TRDN: variants seen among roughly 807,000 people sequenced by gnomAD.
TRDN encodes triadin, also known as triadin in skeletal muscle.
TRDN carries 161 observed loss-of-function variants against 149.7 expected under a neutral mutation model. That is an observed-to-expected ratio of 1.08 (90% CI 0.95 to 1.23). The LOEUF is 1.23. Ranked by LOEUF, TRDN falls within the 50% of genes most tolerant of loss-of-function variation. The pLI is 0.00. For missense variants in TRDN, 896 were observed against 823.5 expected (o/e 1.09, Z -1.08); for synonymous variants, 294 against 250.5 (o/e 1.17, Z -1.64).
chr6:123,517,203 G>C (rs1270189023), intron 5 of TRDN, among the ~76,000 whole-genome samples: 1 of 152,108 alleles, frequency 6.6e-6, no homozygotes, highest in Admixed American at 6.6e-5. Context: ...TTTGTTAGGG[G>C]AAGAGCCCTT....
At chr6:123,330,460 TG>T in intron 23 of TRDN, among the ~76,000 whole-genome samples, 1 of 152,134 alleles carries the variant, frequency 6.6e-6, no homozygotes, top group Middle Eastern at 3.4e-3. Flanking sequence ...ATAACATATA[TG>T]AATCCTCTTG....
intron 1 of TRDN, among the ~76,000 whole-genome samples, chr6:123,631,262 A>T (rs774583945): frequency 2.0e-5 from 3 of 151,996 alleles, no homozygotes; most frequent in African/African-American, 7.2e-5. Flanking sequence ...CAAAAGCTTC[A>T]TACTTAATAC....
chr6:123,385,366 C>T (rs1357724305), intron 14 of TRDN, among the ~76,000 whole-genome samples: 2 of 149,360 alleles, frequency 1.3e-5, no homozygotes, highest in African/African-American at 5.0e-5. Flanking sequence ...AGGTGGAGCT[C>T]GCAGTGAGCA....
At chr6:123,222,796 C>G (rs562817252) in intron 39 of TRDN, among the ~76,000 whole-genome samples, 2 of 151,464 alleles carry the variant, frequency 1.3e-5, no homozygotes, top group Non-Finnish European at 3.0e-5. Flanking sequence ...AACAAATTTA[C>G]AAGAAAAAAG....
At chr6:123,595,047 T>C (rs1178877418) in intron 1 of TRDN, among the ~76,000 whole-genome samples, 2 of 152,056 alleles carry the variant, frequency 1.3e-5, no homozygotes, top group African/African-American at 4.8e-5. Context: ...AATGAACATT[T>C]TTGAGTCTTT....
intron 15 of TRDN, among the ~76,000 whole-genome samples, 196 bp downstream of exon 15, chr6:123,381,922 C>T (rs1347279045): frequency 6.6e-6 from 1 of 150,618 alleles, no homozygotes; most frequent in African/African-American, 2.4e-5. Flanking sequence ...CTGCGAAATA[C>T]TTCTCATAGC....
chr6:123,562,371 A>G (rs966986122), intron 2 of TRDN, among the ~76,000 whole-genome samples: 13 of 152,282 alleles, frequency 8.5e-5, no homozygotes, highest in Admixed American at 7.8e-4. Context: ...TAGTATTTGG[A>G]GTTGTGGCCT....
At chr6:123,540,821 GGATTTTGGT>G (rs1354549454) in intron 4 of TRDN, among the ~76,000 whole-genome samples, 1 of 152,148 alleles carries the variant, frequency 6.6e-6, no homozygotes, top group East Asian at 1.9e-4. Flanking sequence ...AATGTGAGTT[GGATTTTGGT>G]CTCTCATGAG....
chr6:123,349,519 G>A, intron 21 of TRDN: 1 of 898,432 alleles, frequency 1.1e-6, no homozygotes, highest in East Asian at 1.2e-4. Flanking sequence ...TCAACAGCAT[G>A]ACTTAGTCAA....
At chr6:123,468,819 CT>C (rs1317593721) in intron 9 of TRDN, 1 of 152,030 alleles carries the variant, frequency 6.6e-6, no homozygotes, top group African/African-American at 2.4e-5. Flanking sequence ...GTCATAGACC[CT>C]CATTGGATTT....
chr6:123,305,864 T>C (rs1778589261), intron 24 of TRDN, among the ~76,000 whole-genome samples: 1 of 152,160 alleles, frequency 6.6e-6, no homozygotes, highest in African/African-American at 2.4e-5. Flanking sequence ...CAAATTGTAC[T>C]GGTAATCCTT....
At chr6:123,412,164 T>C (rs1039849415) in intron 12 of TRDN, among the ~76,000 whole-genome samples, 7 of 152,154 alleles carry the variant, frequency 4.6e-5, no homozygotes, top group Admixed American at 1.3e-4. Context: ...GAATCTTATG[T>C]AGTTATTAGA....
chr6:123,350,573 G>T, intron 21 of TRDN: 1 of 710,146 alleles, frequency 1.4e-6, no homozygotes, highest in East Asian at 1.3e-4. Flanking sequence ...TTAGAATATG[G>T]GACAATTTAT....
chr6:123,342,544 A>AT (rs1049065062), intron 21 of TRDN, among the ~76,000 whole-genome samples: 15 of 151,854 alleles, frequency 9.9e-5, no homozygotes, highest in Non-Finnish European at 5.9e-5. Flanking sequence ...GTAGTTAGGC[A>AT]TTTTTTAACA....
At chr6:123,321,412 C>T (rs1243374713) in intron 23 of TRDN, among the ~76,000 whole-genome samples, 4 of 152,156 alleles carry the variant, frequency 2.6e-5, no homozygotes, top group South Asian at 2.1e-4. Flanking sequence ...AACATTCATA[C>T]ATTTATTCCA....
intron 2 of TRDN, among the ~76,000 whole-genome samples, chr6:123,569,834 G>C (rs969657422): frequency 6.6e-6 from 1 of 152,160 alleles, no homozygotes; most frequent in African/African-American, 2.4e-5. Flanking sequence ...CTGTGATCCA[G>C]TCACCTCCTG....
At chr6:123,506,729 TC>T (rs1232933915) in intron 7 of TRDN, among the ~76,000 whole-genome samples, 1 of 152,108 alleles carries the variant, frequency 6.6e-6, no homozygotes, top group African/African-American at 2.4e-5. Context: ...CCTCAGGCGA[TC>T]CACCCGCCTC....
At chr6:123,496,321 A>G (rs1317808600) in intron 9 of TRDN, among the ~76,000 whole-genome samples, 1 of 151,562 alleles carries the variant, frequency 6.6e-6, no homozygotes, top group Non-Finnish European at 1.5e-5. Flanking sequence ...TATTTGTTTT[A>G]GAAATGAGAT....
chr6:123,586,626 TG>T (rs1442070075), intron 1 of TRDN, among the ~76,000 whole-genome samples: 1 of 152,120 alleles, frequency 6.6e-6, no homozygotes, highest in African/African-American at 2.4e-5. Context: ...GAGTTTGTAT[TG>T]GGGTCAAGCG....
Sources: allele counts gnomAD v4.1 joint callset (sites outside exome capture counted in the v4.1 genomes callset), GRCh38; gene constraint gnomAD v4.1.1; transcripts MANE v1.5; gene names NCBI Gene and HGNC (gene_info 2026-07-23, HGNC 2026-07-21).